The following VPS13B variants were observed in gnomAD, a reference collection of about 807,000 sequenced individuals.
The protein encoded by VPS13B is intermembrane lipid transfer protein VPS13B.
A neutral mutation model predicts 426.4 loss-of-function variants in VPS13B; 285 were observed. That is an observed-to-expected ratio of 0.67 (90% CI 0.61 to 0.74). VPS13B has a LOEUF of 0.74. VPS13B is among the 30% of genes least tolerant of loss of function. VPS13B has a pLI of 0.00. For synonymous variants in VPS13B, 1,676 were observed against 1,676.4 expected, an observed-to-expected ratio of 1.00 and a Z score of 0.01; for missense variants, 4,537 against 4,782.6, an observed-to-expected ratio of 0.95 and a Z score of 1.51.
intron 16 of VPS13B, among the ~76,000 whole-genome samples, chr8:99,178,484 C>T (rs1367167741): frequency 1.3e-5 from 2 of 152,140 alleles, no homozygotes; most frequent in Non-Finnish European, 2.9e-5. Context: ...TACTCACAAC[C>T]AACCTTTGAA....
intron 29 of VPS13B, among the ~76,000 whole-genome samples, chr8:99,519,234 A>C (rs184278386): frequency 4.5e-4 from 69 of 152,260 alleles, no homozygotes; most frequent in African/African-American, 1.5e-3. Flanking sequence ...GAGAAATGCA[A>C]ATCAAAACTG....
At chr8:99,654,915 A>G (rs983315762) in intron 34 of VPS13B, among the ~76,000 whole-genome samples, 1 of 151,520 alleles carries the variant, frequency 6.6e-6, no homozygotes, top group African/African-American at 2.4e-5. Flanking sequence ...GGACACAGGA[A>G]GGGAGAGTAA....
intron 35 of VPS13B, among the ~76,000 whole-genome samples, chr8:99,690,617 A>G (rs1831614511): frequency 1.3e-5 from 2 of 152,172 alleles, no homozygotes; most frequent in Admixed American, 1.3e-4. Context: ...AAATATAATA[A>G]TCTTATATTT....
At chr8:99,034,730 G>A (rs1055358741) in intron 2 of VPS13B, among the ~76,000 whole-genome samples, 6 of 152,126 alleles carry the variant, frequency 3.9e-5, no homozygotes, top group African/African-American at 1.4e-4. Flanking sequence ...CCCTATGCTA[G>A]CCTTACTCTT....
At chr8:99,094,894 C>G (rs747326039) in intron 3 of VPS13B, among the ~76,000 whole-genome samples, 7 of 151,986 alleles carry the variant, frequency 4.6e-5, no homozygotes, top group Admixed American at 2.0e-4. Flanking sequence ...TCTCAGCTAC[C>G]CTTTGTGTTG....
At chr8:99,121,659 CT>C (rs1387888587) in intron 8 of VPS13B, 1 of 1,286,252 alleles carries the variant, frequency 7.8e-7, no homozygotes. Context: ...CTCCACATTT[CT>C]TTTTTATTAG....
chr8:99,466,113 A>G, intron 23 of VPS13B, among the ~76,000 whole-genome samples: 1 of 152,176 alleles, frequency 6.6e-6, no homozygotes, highest in Non-Finnish European at 1.5e-5. Flanking sequence ...AGGGAAGACC[A>G]TGAGTGCAGT....
At chr8:99,165,772 T>C (rs560005688) in intron 15 of VPS13B, among the ~76,000 whole-genome samples, 6 of 152,192 alleles carry the variant, frequency 3.9e-5, no homozygotes, top group Non-Finnish European at 8.8e-5. Context: ...CAATTTTCAG[T>C]GTATACCCTC....
chr8:99,629,610 A>G (rs1334593331), intron 33 of VPS13B, among the ~76,000 whole-genome samples: 1 of 152,172 alleles, frequency 6.6e-6, no homozygotes, highest in African/African-American at 2.4e-5. Flanking sequence ...GAACAGCACA[A>G]GTGAGGATTT....
In VPS13B at chr8:99,875,861, AT is replaced by A. The variant is rs948120041; in HGVS notation, c.*202del. 7 of 663,484 alleles carry A rather than the reference AT, an allele frequency of 1.1e-5. No homozygotes were observed. The highest frequency in any genetic ancestry group is 1.5e-5 in the Non-Finnish European group (6 of 395,694). 41.1% of individuals were successfully genotyped at this position (663,484 alleles called of 1,614,324 possible). On this transcript the variant is annotated 3_prime_UTR_variant, in exon 62 of 62. Transcript: ENST00000357162. ...GCATTTTGCCACCATAAAGGGCTGCATTTTTTTAAAAAGCCTAGGCAGCTCT... is the reference window on the plus strand; with the variant it reads ...GCATTTTGCCACCATAAAGGGCTGCATTTTTTAAAAAGCCTAGGCAGCTCT...
intron 33 of VPS13B, among the ~76,000 whole-genome samples, chr8:99,603,158 G>A (rs16897496): frequency 0.023 from 3,463 of 152,284 alleles, 146 homozygotes; most frequent in African/African-American, 0.079. Flanking sequence ...GTGGAGAATT[G>A]TATGTCCCTA....
chr8:99,303,730 CAAAAAAAAAAAA>C, intron 19 of VPS13B, among the ~76,000 whole-genome samples: 1 of 63,714 alleles, frequency 1.6e-5, no homozygotes, highest in East Asian at 5.4e-4. Flanking sequence ...GACTCCGTCT[CAAAAAAAAAAAA>C]AAAAAAAAAG....
At chr8:99,782,606 C>G (rs1812074131) in intron 42 of VPS13B, among the ~76,000 whole-genome samples, 2 of 151,682 alleles carry the variant, frequency 1.3e-5, no homozygotes, top group African/African-American at 2.4e-5. Context: ...AGGGAAGGCT[C>G]TGAGGCAGGA....
chr8:99,406,810 A>C (rs1032035040), intron 21 of VPS13B, among the ~76,000 whole-genome samples: 2 of 152,198 alleles, frequency 1.3e-5, no homozygotes, highest in African/African-American at 2.4e-5. Flanking sequence ...GAACTGAGGA[A>C]AATTGAGTGG....
intron 19 of VPS13B, among the ~76,000 whole-genome samples, chr8:99,380,903 CTT>C (rs1247217130): frequency 6.9e-6 from 1 of 145,252 alleles, no homozygotes; most frequent in Non-Finnish European, 1.5e-5. Flanking sequence ...AAAAAAAAGA[CTT>C]TTATTTTAGG....
intron 33 of VPS13B, chr8:99,613,996 A>G (rs900475290): frequency 3.9e-5 from 6 of 152,282 alleles, no homozygotes; most frequent in African/African-American, 1.4e-4. Flanking sequence ...ATAGTGCACT[A>G]CAGCCCAGAA....
At chr8:99,345,509 T>C (rs1476454487) in intron 19 of VPS13B, among the ~76,000 whole-genome samples, 3 of 152,230 alleles carry the variant, frequency 2.0e-5, no homozygotes, top group East Asian at 1.9e-4. Context: ...CACATTGTTA[T>C]ATATTTTTTC....
At chr8:99,322,960 G>T (rs1304330164) in intron 19 of VPS13B, among the ~76,000 whole-genome samples, 1 of 152,192 alleles carries the variant, frequency 6.6e-6, no homozygotes, top group Non-Finnish European at 1.5e-5. Flanking sequence ...GTATAGAACA[G>T]AATCAGAATG....
rs181229313 is a variant in VPS13B, at chr8:99,149,340, C to G, written c.2013+1330C>G. On this transcript the variant is annotated intron_variant, in intron 14 of 61. Coordinates refer to ENST00000357162, the MANE Select transcript of VPS13B (RefSeq NM_152564.5). ...TTGTTCGTTTGTTTGCTTTTTGAGA[C>G]AGAGTCTCGCTCTGTTGCCTAGGCT... 2.0e-5 allele frequency among the ~76,000 whole-genome samples: 3 copies of G among 152,290 alleles called. No individual in the cohort carries two copies. In the East Asian group the frequency reaches 5.8e-4, roughly 29 times the overall value.
Sources: allele counts gnomAD v4.1 joint callset (sites outside exome capture counted in the v4.1 genomes callset), GRCh38; gene constraint gnomAD v4.1.1; transcripts MANE v1.5; gene names NCBI Gene and HGNC (gene_info 2026-07-23, HGNC 2026-07-21).